The following KCNK4 variants were observed in gnomAD, a reference collection of about 807,000 sequenced individuals.
KCNK4 encodes the protein potassium two pore domain channel subfamily K member 4.
In KCNK4, 22 loss-of-function variants were observed where a neutral mutation model predicts 28.8. The observed-to-expected ratio is 0.76, with a 90% CI of 0.55 to 1.09. The LOEUF (loss-of-function observed/expected upper bound fraction) is 1.09. Among genes scored for constraint, KCNK4 ranks in the 50% least tolerant of loss-of-function variants. KCNK4 has a pLI of 0.00. For synonymous variants in KCNK4, 263 were observed against 252.9 expected, an observed-to-expected ratio of 1.04 and a Z score of -0.38; for missense variants, 483 against 546.3, an observed-to-expected ratio of 0.88 and a Z score of 1.15.
intron 5 of KCNK4, 34 bp downstream of exon 5, chr11:64,297,687 T>C (rs759549179): frequency 1.1e-5 from 17 of 1,590,060 alleles, no homozygotes; most frequent in Non-Finnish European, 1.4e-5. Flanking sequence ...CACTTTCCCA[T>C]CTACTTTATT....
intron 2 of KCNK4, among the ~76,000 whole-genome samples, chr11:64,295,078 C>A (rs929959273): frequency 6.6e-6 from 1 of 152,170 alleles, no homozygotes; most frequent in Non-Finnish European, 1.5e-5. Flanking sequence ...AACTGTGCAC[C>A]TACTGTGTGC....
rs993140819 is a variant in KCNK4 at position 64,293,082 on chromosome 11, C to T, written c.64C>T (p.Leu22=). 6.5e-7 allele frequency: 1 copy of T among 1,548,960 alleles called. No individual in the cohort carries two copies. Among genetic ancestry groups the T allele is most frequent in the Non-Finnish European group, 8.7e-7 (1 of 1,146,130 alleles). ...CTTGCTTTACTTGGTGTCTGGTGCCCTGGTGTTCCGGGCCCTGGAGCAGCC... is the reference window on the plus strand; with the variant it reads ...CTTGCTTTACTTGGTGTCTGGTGCCTTGGTGTTCCGGGCCCTGGAGCAGCC... The part of the protein sequence containing the change: ...LVLLYLVSGA[L]VFRALEQPHE... The change falls in exon 2 of 7, where the codon CTG becomes TTG. Residue 22 remains leucine, a synonymous_variant. Coordinates refer to ENST00000422670, the MANE Select transcript of KCNK4 (RefSeq NM_033310.3).
chr11:64,298,656 C>T (rs2034839160), intron 6 of KCNK4, among the ~76,000 whole-genome samples: 1 of 152,114 alleles, frequency 6.6e-6, no homozygotes, highest in Non-Finnish European at 1.5e-5. Flanking sequence ...GCACTCCAGC[C>T]TGGGTGACAG....
At position 64,299,732 on chromosome 11, in the gene KCNK4, G is replaced by C. The variant is rs2135237390; in HGVS notation, c.*6G>C. 1 of 1,551,150 alleles carries C rather than the reference G, an allele frequency of 6.4e-7. No homozygotes were observed. Among genetic ancestry groups the C allele is most frequent in the East Asian group, 2.4e-5 (1 of 42,088 alleles). On this transcript the variant is annotated 3_prime_UTR_variant, in exon 7 of 7. Transcript: ENST00000422670. ...ACAAAGGCGTGCCGGTGTAGGGGCAGGATCCCTGGCCGGGCCTCTCAAGGG... is the reference window on the plus strand; with the variant it reads ...ACAAAGGCGTGCCGGTGTAGGGGCACGATCCCTGGCCGGGCCTCTCAAGGG...
chr11:64,293,902 A>G (rs2034701976), intron 2 of KCNK4, among the ~76,000 whole-genome samples: 3 of 152,154 alleles, frequency 2.0e-5, no homozygotes, highest in Admixed American at 2.0e-4. Flanking sequence ...CACCTGGCCC[A>G]CAAATGCCTT....
At chr11:64,295,621 C>A (rs1053998601) in intron 2 of KCNK4, among the ~76,000 whole-genome samples, 2 of 150,312 alleles carry the variant, frequency 1.3e-5, no homozygotes, top group Non-Finnish European at 2.9e-5. Context: ...ATGGAATCAT[C>A]TCAGAAAATC....
At chr11:64,299,076 A>G (rs2135235568) in intron 6 of KCNK4, among the ~76,000 whole-genome samples, 1 of 142,844 alleles carries the variant, frequency 7.0e-6, no homozygotes, top group South Asian at 2.2e-4. Context: ...AAAAAAAAGC[A>G]TGTCCCAAAT....
At chr11:64,297,849 A>C (rs1311047757) in intron 5 of KCNK4, among the ~76,000 whole-genome samples, 196 bp downstream of exon 5, 1 of 152,192 alleles carries the variant, frequency 6.6e-6, no homozygotes, top group African/African-American at 2.4e-5. Flanking sequence ...AGTCCCATGC[A>C]TGCTCACACA....
Position 64,298,172 on chromosome 11 carries a change from G to C in KCNK4, c.724G>C (p.Gly242Arg). 6.2e-7 allele frequency: 1 copy of C among 1,613,850 alleles called. No homozygotes were observed. The highest frequency in any genetic ancestry group is 8.5e-7 in the Non-Finnish European group (1 of 1,180,008). Reference protein sequence around the residue: ...QPLVWFWILLGLAYFASVLTT... With the variant: ...QPLVWFWILLRLAYFASVLTT... ...GCTGGTGTGGTTCTGGATCCTGCTC[G>C]GCCTGGCTTACTTCGCCTCAGTGCT... The change falls in exon 6 of 7, where the codon GGC becomes CGC. Residue 242 changes from glycine (G) to arginine (R), a missense_variant. Coordinates refer to ENST00000422670, the MANE Select transcript of KCNK4 (RefSeq NM_033310.3).
chr11:64,292,396 G>A (rs1278395735), intron 1 of KCNK4, among the ~76,000 whole-genome samples: 2 of 152,192 alleles, frequency 1.3e-5, no homozygotes, highest in Non-Finnish European at 1.5e-5. Context: ...CGAAAGCCCG[G>A]CGGGGCGCGG....
chr11:64,296,992 A>G lies in KCNK4; in HGVS notation c.304A>G (p.Thr102Ala). ...SAFFFSGTII[T>A]TIGYGNVALR... Reference sequence around the variant, plus strand: ...CTTCTTTTTCTCAGGGACCATCATCACCACCATCGGTGGGGGAGGGGATTG... The same window carrying G: ...CTTCTTTTTCTCAGGGACCATCATCGCCACCATCGGTGGGGGAGGGGATTG... The change falls in exon 3 of 7, where the codon ACC (threonine) becomes GCC (alanine). Residue 102 changes from threonine (T) to alanine (A), a missense_variant. Coordinates refer to ENST00000422670, the MANE Select transcript of KCNK4 (RefSeq NM_033310.3). 6.5e-7 allele frequency: 1 copy of G among 1,538,026 alleles called. No individual in the cohort carries two copies. Among genetic ancestry groups the G allele is most frequent in the Non-Finnish European group, 8.7e-7 (1 of 1,142,996 alleles).
intron 6 of KCNK4, among the ~76,000 whole-genome samples, chr11:64,298,662 G>A (rs1028888804): frequency 2.6e-5 from 4 of 152,102 alleles, no homozygotes; most frequent in Non-Finnish European, 5.9e-5. Flanking sequence ...CAGCCTGGGT[G>A]ACAGAGTAAG....
rs917138583 is a variant in KCNK4, at chr11:64,296,912, C to A, written c.224C>A (p.Pro75Gln). The change falls in exon 3 of 7, where the codon CCA becomes CAA. Residue 75 changes from proline to glutamine, a missense_variant. Pro to Gln is a moderately conservative substitution (Grantham distance 76). Transcript: ENST00000422670. Reference protein sequence around the residue: ...VADALGGGADPETNSTSNSSH... With the variant: ...VADALGGGADQETNSTSNSSH... ...GATGCCCTGGGAGGGGGTGCGGACC[C>A]AGAAACCAACTCGACCAGCAACAGC... 6.6e-7 allele frequency: 1 copy of A among 1,512,348 alleles called. No homozygotes were observed. Among genetic ancestry groups the A allele is most frequent in the Admixed American group, 2.3e-5 (1 of 43,152 alleles). 93.7% of individuals were successfully genotyped at this position (1,512,348 alleles called of 1,614,324 possible). A position where few individuals can be genotyped will look rare whatever the true frequency, so the allele number is the denominator to read the frequency against.
In KCNK4 at chr11:64,297,258, T is replaced by G. The variant is rs1591228878; in HGVS notation, c.453T>G (p.Gly151=). 1 of 1,613,282 alleles carries G rather than the reference T, an allele frequency of 6.2e-7. No homozygotes were observed. Among genetic ancestry groups the G allele is most frequent in the South Asian group, 1.1e-5 (1 of 91,022 alleles). Residue 151 remains glycine, a synonymous_variant, in exon 4 of 7, where the codon GGT becomes GGG. Transcript: ENST00000422670. The part of the protein sequence containing the change: ...RLGSSLRHGI[G]HIEAIFLKWH... ...GCTCCTCCCTGCGCCATGGCATCGG[T>G]CACATTGAAGCCATCTTCTTGGTGA... is the stretch of plus-strand genomic sequence containing the variant.
In KCNK4 at chr11:64,299,703, C is replaced by G; in HGVS notation, c.1159C>G (p.Arg387Gly). The G allele has an allele frequency of 6.4e-7, 1 of 1,562,234 alleles. No homozygotes were observed. Among genetic ancestry groups the G allele is most frequent in the South Asian group, 1.2e-5 (1 of 86,626 alleles). Residue 387 changes from arginine to glycine, a missense_variant, in exon 7 of 7, where the codon CGA becomes GGA. Arg to Gly is a moderately radical substitution (Grantham distance 125, BLOSUM62 -2). Transcript: ENST00000422670. ...PVRPRGPGRPRDKGVPV is the reference protein window; with the variant it reads ...PVRPRGPGRPGDKGVPV Reference sequence around the variant, plus strand: ...GCGGCCCCGCGGCCCCGGGCGTCCCCGAGACAAAGGCGTGCCGGTGTAGGG... The same window carrying G: ...GCGGCCCCGCGGCCCCGGGCGTCCCGGAGACAAAGGCGTGCCGGTGTAGGG...
At chr11:64,292,126 C>T (rs556609465) in intron 1 of KCNK4, 25 of 1,001,362 alleles carry the variant, frequency 2.5e-5, no homozygotes, top group Non-Finnish European at 2.4e-6. Context: ...GGGGTGCGTG[C>T]GTGCAGCGGG....
intron 2 of KCNK4, among the ~76,000 whole-genome samples, chr11:64,294,897 A>AGAGGGAGG (rs1165627314): frequency 7.2e-6 from 1 of 138,294 alleles, no homozygotes; most frequent in East Asian, 2.6e-4. Flanking sequence ...CAGGGCAGAG[A>AGAGGGAGG]GAGGGAGGGA....
rs1036839649 is a variant in KCNK4 at position 64,298,382 on chromosome 11, T to G, written c.801+133T>G. 7 of 1,107,084 alleles carry G rather than the reference T, an allele frequency of 6.3e-6. No individual in the cohort carries two copies. The Admixed American group carries it at 1.1e-4, about 18-fold the overall frequency. The allele number at this position is 1,107,084 out of a possible 1,614,324, so 68.6% of individuals were successfully genotyped here. On this transcript the variant is annotated intron_variant, in intron 6 of 6. Transcript: ENST00000422670. ...GGCAGGGGCTGAGTGAGCCTCTGTG[T>G]GTGCCCCGCAGGGAACAGAGGGGTA... is the stretch of plus-strand genomic sequence containing the variant.
At chr11:64,295,794 A>G (rs2034750328) in intron 2 of KCNK4, among the ~76,000 whole-genome samples, 1 of 151,952 alleles carries the variant, frequency 6.6e-6, no homozygotes, top group Non-Finnish European at 1.5e-5. Context: ...CCACTTTAGG[A>G]AGATTAGTTT....
Sources: allele counts gnomAD v4.1 joint callset (sites outside exome capture counted in the v4.1 genomes callset), GRCh38; gene constraint gnomAD v4.1.1; transcripts MANE v1.5; gene names NCBI Gene and HGNC (gene_info 2026-07-23, HGNC 2026-07-21).